SLIT1: variants seen among roughly 807,000 people sequenced by gnomAD.
SLIT1 encodes the protein slit guidance ligand 1, also known as slit homolog 1 protein.
A neutral mutation model predicts 186.1 loss-of-function variants in SLIT1; 66 were observed. The ratio of observed to expected loss-of-function variants is 0.35; its 90% confidence interval spans 0.29 to 0.44. The LOEUF (loss-of-function observed/expected upper bound fraction) is 0.44. SLIT1 is among the 20% of genes least tolerant of loss of function. SLIT1 has a pLI of 1.00. For missense variants in SLIT1, 1,638 were observed against 2,037.4 expected, an observed-to-expected ratio of 0.80 and a Z score of 3.77; for synonymous variants, 761 against 833.8, an observed-to-expected ratio of 0.91 and a Z score of 1.50.
At chr10:97,093,256 T>A (rs1216814878) in intron 4 of SLIT1, among the ~76,000 whole-genome samples, 2 of 152,244 alleles carry the variant, frequency 1.3e-5, no homozygotes, top group Non-Finnish European at 2.9e-5. Context: ...CAGCAAGATG[T>A]GGCAGAGGTT....
At position 97,068,033 on chromosome 10, in the gene SLIT1, ACT is replaced by A. The variant is rs1848966298; in HGVS notation, c.414-1949_414-1948del. ...AAAGGTAGGAGGCAGGTGGGCTCCT[ACT>A]GCCTACTAGAACTGTGAGAAGGCAC... On this transcript the variant is annotated intron_variant, in intron 4 of 36. Coordinates refer to ENST00000266058, the MANE Select transcript of SLIT1 (RefSeq NM_003061.3). This position sits in a 1 kb window ranked among gnomAD's most constrained non-coding sequence, Gnocchi z 4.2. 2.6e-5 allele frequency among the ~76,000 whole-genome samples: 4 copies of A among 152,148 alleles called. No homozygotes were observed. The highest frequency in any genetic ancestry group is 4.4e-5 in the Non-Finnish European group (3 of 68,018).
At chr10:97,126,953 C>T (rs1291848305) in intron 4 of SLIT1, among the ~76,000 whole-genome samples, 5 of 152,194 alleles carry the variant, frequency 3.3e-5, no homozygotes, top group Non-Finnish European at 7.3e-5. Context: ...CCAGATACAA[C>T]ATACGGCCAA....
At chr10:97,053,262 T>C (rs1436920025) in intron 13 of SLIT1, among the ~76,000 whole-genome samples, 2 of 152,232 alleles carry the variant, frequency 1.3e-5, no homozygotes, top group Non-Finnish European at 2.9e-5. Flanking sequence ...CTCCTTAGCA[T>C]GTTTCTCTCA....
At position 97,060,165 on chromosome 10, in the gene SLIT1, G is replaced by A. The variant is rs143597943; in HGVS notation, c.942-7C>T. ...GCCGTTCAGCTCCAGGCGTCTGCGG[G>A]GAGAAAAGAGAGGGGAAGCCCAAGG... On this transcript the variant is annotated splice_polypyrimidine_tract_variant and splice_region_variant and intron_variant, in intron 9 of 36. Coordinates refer to ENST00000266058, the MANE Select transcript of SLIT1 (RefSeq NM_003061.3). 1,287 of 1,613,562 alleles carry A rather than the reference G, an allele frequency of 8.0e-4. 10 individuals carry two copies. The African/African-American group carries it at 0.015, about 19-fold the overall frequency.
intron 4 of SLIT1, 183 bp downstream of exon 4, chr10:97,157,635 C>T (rs1849968679): frequency 1.6e-6 from 1 of 636,540 alleles, no homozygotes; most frequent in Non-Finnish European, 2.8e-6. Context: ...GGAGAAATAC[C>T]CTGCACAGCA....
At chr10:97,147,096 T>TA (rs945230597) in intron 4 of SLIT1, among the ~76,000 whole-genome samples, 16 of 150,306 alleles carry the variant, frequency 1.1e-4, no homozygotes, top group East Asian at 3.9e-4. Flanking sequence ...ATCCAGCCAT[T>TA]AAAAAAAAAT....
chr10:97,037,251 TG>T lies in SLIT1; in HGVS notation c.2366+446del, dbSNP rs1848648932. ...CTGGGATTACAGGCATGTGCCACCA[TG>T]CCCGGCTAATTTTGTATTTTTAGGA... On this transcript the variant is annotated intron_variant, in intron 22 of 36. Transcript: ENST00000266058. Among the ~76,000 whole-genome samples, 4 of 152,126 alleles carry T rather than the reference TG, an allele frequency of 2.6e-5. No individual in the cohort carries two copies. The South Asian group carries it at 8.3e-4, about 32-fold the overall frequency.
chr10:97,032,865 A>C (rs541942552), intron 23 of SLIT1, among the ~76,000 whole-genome samples: 1 of 152,278 alleles, frequency 6.6e-6, no homozygotes, highest in Non-Finnish European at 1.5e-5. Context: ...CCATGGGTGA[A>C]GCTCAAAATA....
rs1564651553 is a variant in SLIT1 at position 97,004,578 on chromosome 10, C to T, written c.3710+115G>A. ...CCAGATGGTTCAAGTGTCCTTCAAA[C>T]TCAGGCAGCCCAGGTTTCTAGAGGT... On this transcript the variant is annotated intron_variant, in intron 33 of 36. Transcript: ENST00000266058. This position sits in a 1 kb window ranked among gnomAD's most constrained non-coding sequence, Gnocchi z 5.1. 1 of 1,302,422 alleles carries T rather than the reference C, an allele frequency of 7.7e-7. No homozygotes were observed. The allele number at this position is 1,302,422 out of a possible 1,614,324, so 80.7% of individuals were successfully genotyped here. A position where few individuals can be genotyped will look rare whatever the true frequency, so the allele number is the denominator to read the frequency against.
At chr10:97,141,073 G>A (rs1207274188) in intron 4 of SLIT1, among the ~76,000 whole-genome samples, 2 of 152,076 alleles carry the variant, frequency 1.3e-5, no homozygotes, top group Admixed American at 6.5e-5. Context: ...CTCCCTTGTC[G>A]GAGGCTCTGC....
intron 4 of SLIT1, among the ~76,000 whole-genome samples, chr10:97,133,605 A>G (rs1415479624): frequency 1.3e-5 from 2 of 152,202 alleles, no homozygotes; most frequent in African/African-American, 4.8e-5. Flanking sequence ...CGAACTTAAC[A>G]TTACTGAACA....
intron 17 of SLIT1, 88 bp from the exon 18 acceptor site, chr10:97,046,885 C>CA: frequency 6.3e-7 from 1 of 1,578,360 alleles, no homozygotes; most frequent in Admixed American, 1.7e-5. Flanking sequence ...CCCCCACACA[C>CA]AGAGTCCTGG....
intron 4 of SLIT1, among the ~76,000 whole-genome samples, chr10:97,106,124 T>G (rs924592002): frequency 1.3e-5 from 2 of 152,142 alleles, no homozygotes; most frequent in Non-Finnish European, 2.9e-5. Context: ...GGTCTTGTGG[T>G]CAGGTGGAGA....
At chr10:97,038,131 GC>G (rs1393150765) in intron 21 of SLIT1, among the ~76,000 whole-genome samples, 11 of 151,896 alleles carry the variant, frequency 7.2e-5, no homozygotes, top group Admixed American at 1.3e-4. Flanking sequence ...ACGTTACCGG[GC>G]CCTGCCAGCT....
chr10:97,138,758 T>A (rs1248288318), intron 4 of SLIT1, among the ~76,000 whole-genome samples: 3 of 152,238 alleles, frequency 2.0e-5, no homozygotes, highest in African/African-American at 7.2e-5. Flanking sequence ...AAGGCGATTA[T>A]GCTGGAACAG....
At position 97,043,057 on chromosome 10, in the gene SLIT1, C is replaced by T. The variant is rs750181587; in HGVS notation, c.2008G>A (p.Ala670Thr). ...TGGCAGTTGCAGTTGAAAGGGTTGG[C>T]CAGGAGATTCCTGGAAGAGGCAGGC... ...LQSLSTLNLL[A>T]NPFNCNCQLA... is the part of the protein sequence containing the mutation. Residue 670 changes from alanine (A) to threonine (T), a missense_variant, in exon 20 of 37, where the codon GCC (alanine) becomes ACC (threonine). Transcript: ENST00000266058. The surrounding 1 kb of genome is among the most constrained non-coding windows in gnomAD (Gnocchi z 7.0). The T allele has an allele frequency of 6.2e-7, 1 of 1,613,740 alleles. No homozygotes were observed. Among genetic ancestry groups the T allele is most frequent in the Admixed American group, 1.7e-5 (1 of 59,998 alleles).
intron 11 of SLIT1, among the ~76,000 whole-genome samples, chr10:97,059,127 G>A (rs1372664112): frequency 6.6e-6 from 1 of 152,240 alleles, no homozygotes; most frequent in African/African-American, 2.4e-5. Flanking sequence ...GCTTCGGGCG[G>A]GGGACGGGGC....
intron 4 of SLIT1, among the ~76,000 whole-genome samples, chr10:97,108,790 A>G (rs1483079778): frequency 2.7e-5 from 4 of 148,654 alleles, no homozygotes; most frequent in African/African-American, 9.9e-5. Context: ...CGGGAGGCTG[A>G]GGCAGAAGAA....
At position 97,004,900 on chromosome 10, in the gene SLIT1, G is replaced by C; in HGVS notation, c.3580-77C>G. On this transcript the variant is annotated intron_variant, in intron 32 of 36. Coordinates refer to ENST00000266058, the MANE Select transcript of SLIT1 (RefSeq NM_003061.3). This position sits in a 1 kb window ranked among gnomAD's most constrained non-coding sequence, Gnocchi z 5.1. Reference sequence around the variant, plus strand: ...CAGGCTAGCAGATGGGGCAGAGAGGGCACCCAAGATTGGAAGAGAGATGCT... The same window carrying C: ...CAGGCTAGCAGATGGGGCAGAGAGGCCACCCAAGATTGGAAGAGAGATGCT... The C allele has an allele frequency of 6.4e-7, 1 of 1,558,692 alleles. No individual in the cohort carries two copies. The highest frequency in any genetic ancestry group is 8.8e-7 in the Non-Finnish European group (1 of 1,134,026).
Sources: allele counts gnomAD v4.1 joint callset (sites outside exome capture counted in the v4.1 genomes callset), GRCh38; gene constraint gnomAD v4.1.1; non-coding constraint Gnocchi (gnomAD v3.1); transcripts MANE v1.5; gene names NCBI Gene and HGNC (gene_info 2026-07-23, HGNC 2026-07-21).